IAPP: variants seen among roughly 807,000 people sequenced by gnomAD.
The protein encoded by IAPP is Islet amyloid polypeptide (diabetes-associated peptide; amylin).
Under a neutral mutation model 2.9 loss-of-function variants are expected in IAPP, and 4 were observed. The ratio of observed to expected loss-of-function variants is 1.39; its 90% CI spans 0.69 to 3.19. IAPP has a LOEUF of 3.19. Among genes scored for constraint, IAPP ranks in the 30% most tolerant of loss-of-function variants. The pLI, the probability that IAPP is intolerant of heterozygous loss-of-function variation, is 0.01. For missense variants in IAPP, 114 were observed against 105.3 expected (o/e 1.08, Z -0.36); for synonymous variants, 40 against 42.1 (o/e 0.95, Z 0.19).
rs962001325 is a variant in IAPP at position 21,379,611 on chromosome 12, T to G, written c.*1185T>G. ...TGGACAGAAGATGAAATGCTTTGCTTTGAGTCAGATTCTTATGAATATCTG... is the reference window on the plus strand; with the variant it reads ...TGGACAGAAGATGAAATGCTTTGCTGTGAGTCAGATTCTTATGAATATCTG... On this transcript the variant is annotated 3_prime_UTR_variant, in exon 3 of 3. Transcript: ENST00000240652. The G allele has an allele frequency of 6.6e-6, 1 of 152,226 alleles. No individual in the cohort carries two copies. The highest frequency in any genetic ancestry group is 1.5e-5 in the Non-Finnish European group (1 of 68,040). 9.4% of individuals were successfully genotyped at this position (152,226 alleles called of 1,614,324 possible).
intron 1 of IAPP, among the ~76,000 whole-genome samples, chr12:21,362,975 A>T (rs1720954729): frequency 6.6e-6 from 1 of 152,216 alleles, no homozygotes; most frequent in South Asian, 2.1e-4. Flanking sequence ...TGTGAACATT[A>T]GACAGATCAA....
upstream of IAPP, among the ~76,000 whole-genome samples, chr12:21,372,108 A>G (rs1033012997): frequency 6.6e-6 from 1 of 152,232 alleles, no homozygotes; most frequent in African/African-American, 2.4e-5. Context: ...CAAACTACAA[A>G]GTACTGTGTG....
At position 21,361,799 on chromosome 12, in the gene IAPP, T is replaced by C. The variant is rs563616480; in HGVS notation, c.-16+6786T>C. Among the ~76,000 whole-genome samples the C allele has an allele frequency of 3.5e-3, 531 of 152,190 alleles. 4 individuals are homozygous for C. The highest frequency in any genetic ancestry group is 0.012 in the African/African-American group (503 of 41,520). ...CAAATAGAAGAAAGGGTATCAGTGA[T>C]TGAAGATCAAATGAATGAAATGCAG... is the stretch of plus-strand genomic sequence containing the variant. On this transcript the variant is annotated intron_variant, in intron 1 of 2. Transcript: ENST00000539393.
intron 1 of IAPP, among the ~76,000 whole-genome samples, chr12:21,360,194 A>G (rs1231768043): frequency 6.6e-6 from 1 of 152,196 alleles, no homozygotes; most frequent in Non-Finnish European, 1.5e-5. Flanking sequence ...AGGTTACAAG[A>G]CAACATTTTA....
chr12:21,362,450 A>G lies in IAPP; in HGVS notation c.-16+7437A>G, dbSNP rs375121779. Among the ~76,000 whole-genome samples, 109 of 152,308 alleles carry G rather than the reference A, an allele frequency of 7.2e-4. 2 individuals are homozygous for G. In the South Asian group the frequency reaches 0.022, roughly 31 times the overall value. Reference sequence around the variant, plus strand: ...GTACGAGCCACTGCAAAAACATGCCAAATTGTAAAGACCATTGGTACTAGG... The same window carrying G: ...GTACGAGCCACTGCAAAAACATGCCGAATTGTAAAGACCATTGGTACTAGG... On this transcript the variant is annotated intron_variant, in intron 1 of 2. Coordinates refer to the IAPP transcript ENST00000539393.
At position 21,379,482 on chromosome 12, in the gene IAPP, G is replaced by A. The variant is rs1259390302; in HGVS notation, c.*1056G>A. 1 of 152,134 alleles carries A rather than the reference G, an allele frequency of 6.6e-6. No homozygotes were observed. Among genetic ancestry groups the A allele is most frequent in the Non-Finnish European group, 1.5e-5 (1 of 68,024 alleles). The allele number at this position is 152,134 out of a possible 1,614,324, so 9.4% of individuals were successfully genotyped here. A position where few individuals can be genotyped will look rare whatever the true frequency, so the allele number is the denominator to read the frequency against. On this transcript the variant is annotated 3_prime_UTR_variant, in exon 3 of 3. Transcript: ENST00000240652. ...TCAATTAAAAGACCACAGACTTCTG[G>A]AAACTCTTTGCTGTATAAGAATTAT...
chr12:21,373,388 C>T lies in IAPP; in HGVS notation c.37C>T (p.Leu13Phe), dbSNP rs373616376. ...GAAGCTGCAAGTATTTCTCATTGTG[C>T]TCTCTGTTGCATTGAACCATCTGAA... is the stretch of plus-strand genomic sequence containing the variant. ...ILKLQVFLIV[L>F]SVALNHLKAT... The change falls in exon 2 of 3, where the codon CTC (leucine) becomes TTC (phenylalanine). Residue 13 changes from leucine to phenylalanine, a missense_variant. Physicochemically the swap from Leu to Phe is conservative, Grantham distance 22 (BLOSUM62 0). Transcript: ENST00000240652. The T allele has an allele frequency of 1.1e-4, 177 of 1,613,380 alleles. No homozygotes were observed. Among genetic ancestry groups the T allele is most frequent in the Non-Finnish European group, 1.4e-4 (171 of 1,179,574 alleles).
chr12:21,364,084 A>G (rs11046001), intron 1 of IAPP, among the ~76,000 whole-genome samples: 49,171 of 151,866 alleles, frequency 0.32, 8,261 homozygotes, highest in East Asian at 0.46. Flanking sequence ...GCCTGGCAGA[A>G]ACACAACAAA....
chr12:21,378,235 A>T lies in IAPP; in HGVS notation c.81-2A>T. The T allele has an allele frequency of 6.2e-7, 1 of 1,613,964 alleles. No individual in the cohort carries two copies. The highest frequency in any genetic ancestry group is 8.5e-7 in the Non-Finnish European group (1 of 1,179,808). The stretch of plus-strand genomic sequence containing the variant: ...CTTTTCACATTTGTTCCATGTTACC[A>T]GTCATCAGGTGGAAAAGCGGAAATG... On this transcript the variant is annotated splice_acceptor_variant, in intron 2 of 2. Transcript: ENST00000240652. LOFTEE classifies it high-confidence loss of function.
In IAPP at chr12:21,379,390, C is replaced by T. The variant is rs992310480; in HGVS notation, c.*964C>T. ...TCATTTATTTTGTTTAAGTGGCTTT[C>T]AGCAAACCTCAGTCATATTCTTATG... On this transcript the variant is annotated 3_prime_UTR_variant, in exon 3 of 3. Coordinates refer to ENST00000240652, the MANE Select transcript of IAPP (RefSeq NM_000415.3). The T allele has an allele frequency of 3.9e-5, 6 of 152,210 alleles. No individual in the cohort carries two copies. The highest frequency in any genetic ancestry group is 1.5e-5 in the Non-Finnish European group (1 of 68,036). 9.4% of individuals were successfully genotyped at this position (152,210 alleles called of 1,614,324 possible).
At chr12:21,369,970 A>G (rs75085716), upstream of IAPP, among the ~76,000 whole-genome samples, 150 of 152,368 alleles carry the variant, frequency 9.8e-4, no homozygotes, top group African/African-American at 3.4e-3. Flanking sequence ...TAAACATTAT[A>G]CGAGACAGAC....
chr12:21,374,673 T>C (rs192953480), intron 2 of IAPP: 173 of 152,360 alleles, frequency 1.1e-3, no homozygotes, highest in African/African-American at 4.0e-3. Flanking sequence ...ATGAAGTTTC[T>C]GATAAGCAGA....
Position 21,379,406 on chromosome 12 carries a change from T to C in IAPP, c.*980T>C, listed in dbSNP as rs1466593073. ...AGTGGCTTTCAGCAAACCTCAGTCA[T>C]ATTCTTATGCAGGGTATTGCGAAAC... On this transcript the variant is annotated 3_prime_UTR_variant, in exon 3 of 3. Coordinates refer to ENST00000240652, the MANE Select transcript of IAPP (RefSeq NM_000415.3). 6.6e-6 allele frequency: 1 copy of C among 152,248 alleles called. No homozygotes were observed. 9.4% of individuals were successfully genotyped at this position (152,248 alleles called of 1,614,324 possible).
chr12:21,370,345 ATACTTT>A (rs1473278729), upstream of IAPP, among the ~76,000 whole-genome samples: 3 of 150,846 alleles, frequency 2.0e-5, no homozygotes, highest in Admixed American at 2.0e-4. Flanking sequence ...TTTTTTTATT[ATACTTT>A]AAGTTTTAGG....
At chr12:21,373,279 T>G (rs1280116143) in intron 1 of IAPP, 58 bp from the exon 2 acceptor site, 21 of 1,034,088 alleles carry the variant, frequency 2.0e-5, no homozygotes, top group Non-Finnish European at 3.2e-5. Context: ...AATTTAAAAT[T>G]ACATCAATTA....
At chr12:21,367,251 C>G (rs1420280685) in intron 1 of IAPP, among the ~76,000 whole-genome samples, 1 of 152,160 alleles carries the variant, frequency 6.6e-6, no homozygotes, top group Non-Finnish European at 1.5e-5. Context: ...AGGTCTCAGT[C>G]TTTCATGTGT....
intron 2 of IAPP, among the ~76,000 whole-genome samples, chr12:21,373,980 G>A (rs1939997476): frequency 6.6e-6 from 1 of 152,168 alleles, no homozygotes; most frequent in Non-Finnish European, 1.5e-5. Context: ...GCCATTTGCT[G>A]TTGGGGGATT....
chr12:21,371,997 T>G (rs1939831914), upstream of IAPP, among the ~76,000 whole-genome samples: 2 of 147,794 alleles, frequency 1.4e-5, no homozygotes, highest in Non-Finnish European at 3.0e-5. Context: ...GAGTGAAACT[T>G]CATCTCAAAA....
intron 2 of IAPP, among the ~76,000 whole-genome samples, chr12:21,374,819 G>GTATCTC (rs1940072460): frequency 6.7e-6 from 1 of 148,266 alleles, no homozygotes; most frequent in Admixed American, 6.7e-5. Context: ...TTGAGACAGG[G>GTATCTC]TCTCTCTCTC....
Sources: allele counts gnomAD v4.1 joint callset (sites outside exome capture counted in the v4.1 genomes callset), GRCh38; gene constraint gnomAD v4.1.1; transcripts MANE v1.5; gene names NCBI Gene and HGNC (gene_info 2026-07-23, HGNC 2026-07-21).